The following MAP1LC3A variants were observed in gnomAD, a reference collection of about 807,000 sequenced individuals.
MAP1LC3A encodes microtubule associated protein 1 light chain 3 alpha.
MAP1LC3A carries 10 observed loss-of-function variants against 15.2 expected under a neutral mutation model. The observed-to-expected ratio is 0.66, with a 90% confidence interval of 0.41 to 1.12. The LOEUF is 1.12. Ranked by LOEUF, MAP1LC3A falls within the 50% of genes most tolerant of loss-of-function variation. The pLI, the probability that MAP1LC3A is intolerant of heterozygous loss-of-function variation, is 0.00. For synonymous variants in MAP1LC3A, 63 were observed against 64.3 expected (o/e 0.98, Z 0.10); for missense variants, 138 against 167.3 (o/e 0.82, Z 0.97).
intron 1 of MAP1LC3A, among the ~76,000 whole-genome samples, chr20:34,548,279 C>T (rs536338766): frequency 7.9e-5 from 12 of 152,308 alleles, no homozygotes; most frequent in African/African-American, 2.4e-4. Flanking sequence ...GGGGATTGTA[C>T]GTCACTCATA....
Position 34,559,822 on chromosome 20 carries a change from A to ACAT in MAP1LC3A, c.292_294dup (p.Ile98dup), listed in dbSNP as rs1982368875. ...GTGAGTGTGTCCACGCCCATCGCGG[A>ACAT]CATCTACGAGCAGGAGAAAGACGAG... is the stretch of plus-strand genomic sequence containing the variant. On this transcript the variant is annotated inframe_insertion, in exon 4 of 4. Coordinates refer to ENST00000360668, the MANE Select transcript of MAP1LC3A (RefSeq NM_032514.4). 5 of 1,613,798 alleles carry ACAT rather than the reference A, an allele frequency of 3.1e-6. No individual in the cohort carries two copies. Among genetic ancestry groups the ACAT allele is most frequent in the Non-Finnish European group, 4.2e-6 (5 of 1,179,900 alleles).
intron 1 of MAP1LC3A, among the ~76,000 whole-genome samples, chr20:34,547,658 C>T (rs1205137200): frequency 2.0e-5 from 3 of 152,174 alleles, no homozygotes; most frequent in Admixed American, 6.5e-5. Flanking sequence ...TCTCTCCTGT[C>T]GCCTAGCGAA....
upstream of MAP1LC3A, chr20:34,558,033 C>T (rs1982225246): frequency 8.2e-6 from 8 of 981,310 alleles, no homozygotes; most frequent in East Asian, 1.1e-4. The surrounding 1 kb of genome is among the most constrained non-coding windows in gnomAD (Gnocchi z 4.3). Flanking sequence ...CTCTGCAGGT[C>T]TTTCAGTGTT....
intron 2 of MAP1LC3A, among the ~76,000 whole-genome samples, chr20:34,550,680 T>C (rs1981915510): frequency 6.6e-6 from 1 of 152,194 alleles, no homozygotes; most frequent in African/African-American, 2.4e-5. Context: ...ACATCGCTGA[T>C]GGGAGCACAA....
At chr20:34,557,259 T>A (rs1165714185), upstream of MAP1LC3A, among the ~76,000 whole-genome samples, 1 of 152,246 alleles carries the variant, frequency 6.6e-6, no homozygotes, top group Non-Finnish European at 1.5e-5. Context: ...CCCTTTTACT[T>A]TGCTTCCTTT....
chr20:34,558,317 C>T (rs1319833651), upstream of MAP1LC3A: 13 of 986,222 alleles, frequency 1.3e-5, no homozygotes, highest in Non-Finnish European at 1.6e-5. This position sits in a 1 kb window ranked among gnomAD's most constrained non-coding sequence, Gnocchi z 4.3. Context: ...GCCTCCCGCA[C>T]CTTCTCCCTT....
chr20:34,552,279 G>A lies in MAP1LC3A; in HGVS notation c.52+2250G>A, dbSNP rs141755273. Among the ~76,000 whole-genome samples the A allele has an allele frequency of 3.4e-3, 524 of 152,374 alleles. 1 individual carries two copies. Among genetic ancestry groups the A allele is most frequent in the African/African-American group, 0.012 (479 of 41,582 alleles). The stretch of plus-strand genomic sequence containing the variant: ...TTTGAAAAGTGCTTGGGTTACAGGC[G>A]TGAGCCTCTGGACCTGGCAGAGCCA... On this transcript the variant is annotated intron_variant, in intron 2 of 4. Coordinates refer to the MAP1LC3A transcript ENST00000374837.
upstream of MAP1LC3A, among the ~76,000 whole-genome samples, chr20:34,556,313 T>C (rs1378267779): frequency 6.6e-6 from 1 of 152,240 alleles, no homozygotes; most frequent in Non-Finnish European, 1.5e-5. Context: ...CTGTTGAGAT[T>C]TGTCGTGCAC....
rs1981892389 is a variant in MAP1LC3A at position 34,550,118 on chromosome 20, G to C, written c.52+89G>C. On this transcript the variant is annotated intron_variant, in intron 2 of 4. Coordinates refer to the MAP1LC3A transcript ENST00000374837. ...GGTCATCAGTGGCCAAGCAGGCCAGGGTTGCTCCGCCCGTGTGCCAGGCCG... is the reference window on the plus strand; with the variant it reads ...GGTCATCAGTGGCCAAGCAGGCCAGCGTTGCTCCGCCCGTGTGCCAGGCCG... 6.0e-6 allele frequency: 8 copies of C among 1,333,352 alleles called. No homozygotes were observed. In the Admixed American group the frequency reaches 1.4e-4, roughly 23 times the overall value. The allele number at this position is 1,333,352 out of a possible 1,614,324, so 82.6% of individuals were successfully genotyped here. A position where few individuals can be genotyped will look rare whatever the true frequency, so the allele number is the denominator to read the frequency against.
upstream of MAP1LC3A, among the ~76,000 whole-genome samples, chr20:34,554,345 A>G (rs1982060633): frequency 7.7e-6 from 1 of 130,514 alleles, no homozygotes; most frequent in Non-Finnish European, 1.6e-5. Flanking sequence ...CATGTTTACT[A>G]TACGTTGGGT....
chr20:34,554,814 C>T (rs1216404922), upstream of MAP1LC3A, among the ~76,000 whole-genome samples: 3 of 151,800 alleles, frequency 2.0e-5, no homozygotes, highest in African/African-American at 4.8e-5. Flanking sequence ...ACTACAGACA[C>T]GTGCCACCAT....
upstream of MAP1LC3A, chr20:34,558,643 G>A: frequency 4.9e-6 from 6 of 1,229,882 alleles, no homozygotes; most frequent in South Asian, 7.0e-5. This position sits in a 1 kb window ranked among gnomAD's most constrained non-coding sequence, Gnocchi z 4.3. Flanking sequence ...GGTCCGGGCG[G>A]GCGGGTTGTG....
intron 1 of MAP1LC3A, among the ~76,000 whole-genome samples, chr20:34,548,004 C>T (rs542003831): frequency 6.6e-6 from 1 of 151,312 alleles, no homozygotes; most frequent in African/African-American, 2.5e-5. Flanking sequence ...CTAGGGCAGA[C>T]GAGGGAGGGG....
upstream of MAP1LC3A, among the ~76,000 whole-genome samples, chr20:34,555,852 T>TC (rs1982137260): frequency 6.6e-6 from 1 of 150,410 alleles, no homozygotes; most frequent in Admixed American, 6.6e-5. Context: ...CTTTCTTTTT[T>TC]TTTTTTTTTT....
At chr20:34,550,123 C>A in intron 2 of MAP1LC3A, 3 of 1,287,122 alleles carry the variant, frequency 2.3e-6, no homozygotes, top group Non-Finnish European at 3.3e-6. Context: ...GCCAGGGTTG[C>A]TCCGCCCGTG....
In MAP1LC3A at chr20:34,559,890, G is replaced by A; in HGVS notation, c.358G>A (p.Gly120Ser). Residue 120 changes from glycine to serine, a missense_variant, in exon 4 of 4, where the codon GGC becomes AGC. Coordinates refer to ENST00000360668, the MANE Select transcript of MAP1LC3A (RefSeq NM_032514.4). ...GGTCTACGCCTCCCAGGAAACCTTCGGCTTCTGAGCCAGCAGTAGGGGGGC... is the reference window on the plus strand; with the variant it reads ...GGTCTACGCCTCCCAGGAAACCTTCAGCTTCTGAGCCAGCAGTAGGGGGGC... The part of the protein sequence containing the change: ...YMVYASQETF[G>S]F 6.2e-7 allele frequency: 1 copy of A among 1,610,438 alleles called. No individual in the cohort carries two copies. Among genetic ancestry groups the A allele is most frequent in the Non-Finnish European group, 8.5e-7 (1 of 1,178,670 alleles).
rs1467185398 is a variant in MAP1LC3A, at chr20:34,559,915, C to T, written c.*17C>T. 1.2e-6 allele frequency: 2 copies of T among 1,604,238 alleles called. No homozygotes were observed. The highest frequency in any genetic ancestry group is 1.7e-6 in the Non-Finnish European group (2 of 1,175,728). ...GGCTTCTGAGCCAGCAGTAGGGGGG[C>T]TCGGCCTGGGAGTCGGGCGGCCCCG... is the stretch of plus-strand genomic sequence containing the variant. On this transcript the variant is annotated 3_prime_UTR_variant, in exon 4 of 4. Coordinates refer to ENST00000360668, the MANE Select transcript of MAP1LC3A (RefSeq NM_032514.4).
upstream of MAP1LC3A, chr20:34,558,563 G>A (rs1364877764): frequency 4.3e-6 from 5 of 1,175,788 alleles, no homozygotes; most frequent in Non-Finnish European, 5.3e-6. This position sits in a 1 kb window ranked among gnomAD's most constrained non-coding sequence, Gnocchi z 4.3. Context: ...ACGGGACTGT[G>A]ACGCGCCCAG....
Position 34,559,104 on chromosome 20 carries a change from GTGGGGGCTGGAGC to G in MAP1LC3A, c.41-98_41-86del, listed in dbSNP as rs1187328152. On this transcript the variant is annotated intron_variant, in intron 1 of 3. Transcript: ENST00000360668. ...GCTGTGGGGCCTGATGGCCCCGGGG[GTGGGGGCTGGAGC>G]TGGGGCGTGGCCGGGGGCCGCCCCT... 3 of 1,352,682 alleles carry G rather than the reference GTGGGGGCTGGAGC, an allele frequency of 2.2e-6. No individual in the cohort carries two copies. In the East Asian group the frequency reaches 8.8e-5, roughly 40 times the overall value. 83.8% of individuals were successfully genotyped at this position (1,352,682 alleles called of 1,614,324 possible). A position where few individuals can be genotyped will look rare whatever the true frequency, so the allele number is the denominator to read the frequency against.
Sources: allele counts gnomAD v4.1 joint callset (sites outside exome capture counted in the v4.1 genomes callset), GRCh38; gene constraint gnomAD v4.1.1; non-coding constraint Gnocchi (gnomAD v3.1); transcripts MANE v1.5; gene names NCBI Gene and HGNC (gene_info 2026-07-23, HGNC 2026-07-21).